PPP1R14C: variants seen among roughly 807,000 people sequenced by gnomAD.
PPP1R14C encodes protein phosphatase 1 regulatory inhibitor subunit 14C.
A neutral mutation model predicts 20.4 loss-of-function variants in PPP1R14C; 16 were observed. The observed-to-expected ratio is 0.78, with a 90% CI of 0.53 to 1.19. The LOEUF is 1.19. Among genes scored for constraint, PPP1R14C ranks in the 50% most tolerant of loss-of-function variants. PPP1R14C has a pLI of 0.00. For synonymous variants in PPP1R14C, 91 were observed against 91.0 expected (o/e 1.00, Z 0.00); for missense variants, 211 against 220.1 (o/e 0.96, Z 0.26).
chr6:150,219,612 C>G (rs1447734023), intron 3 of PPP1R14C, among the ~76,000 whole-genome samples: 1 of 152,168 alleles, frequency 6.6e-6, no homozygotes, highest in Non-Finnish European at 1.5e-5. Flanking sequence ...CCTGACTGTT[C>G]AATCACATCA....
At chr6:150,162,435 A>G (rs982082185) in intron 1 of PPP1R14C, among the ~76,000 whole-genome samples, 1 of 152,242 alleles carries the variant, frequency 6.6e-6, no homozygotes, top group African/African-American at 2.4e-5. Flanking sequence ...CATATAATTG[A>G]AATCATACAG....
intron 1 of PPP1R14C, among the ~76,000 whole-genome samples, chr6:150,156,309 A>G (rs1562256980): frequency 6.6e-6 from 1 of 152,166 alleles, no homozygotes; most frequent in South Asian, 2.1e-4. Context: ...AGCAGATATT[A>G]TCATTGACAT....
chr6:150,215,816 G>T (rs1778084674), intron 2 of PPP1R14C, among the ~76,000 whole-genome samples: 2 of 152,176 alleles, frequency 1.3e-5, no homozygotes, highest in African/African-American at 4.8e-5. Flanking sequence ...CCCAGGTGAG[G>T]ACCCAAGCTG....
At chr6:150,195,074 A>C in intron 1 of PPP1R14C, 1 of 985,004 alleles carries the variant, frequency 1.0e-6, no homozygotes, top group Non-Finnish European at 1.2e-6. Context: ...CCATCTTCAA[A>C]TCTGTCTCAA....
chr6:150,195,421 C>T (rs547622267), intron 1 of PPP1R14C, among the ~76,000 whole-genome samples: 3 of 152,216 alleles, frequency 2.0e-5, no homozygotes, highest in Non-Finnish European at 2.9e-5. Flanking sequence ...TATCTCGGCT[C>T]ACTGCAACCT....
At chr6:150,183,132 A>C (rs1285163578) in intron 1 of PPP1R14C, among the ~76,000 whole-genome samples, 1 of 152,104 alleles carries the variant, frequency 6.6e-6, no homozygotes, top group Non-Finnish European at 1.5e-5. Flanking sequence ...TTGTTTTTTT[A>C]ATTCTATCTT....
chr6:150,163,427 G>T (rs1777392745), intron 1 of PPP1R14C, among the ~76,000 whole-genome samples: 1 of 152,122 alleles, frequency 6.6e-6, no homozygotes, highest in African/African-American at 2.4e-5. Context: ...TTTTATTGTA[G>T]TATAACATAC....
At chr6:150,232,251 G>A (rs1778304767) in intron 3 of PPP1R14C, among the ~76,000 whole-genome samples, 1 of 151,338 alleles carries the variant, frequency 6.6e-6, no homozygotes, top group South Asian at 2.1e-4. Context: ...TGAAATCTTT[G>A]CCCACTTTTC....
intron 1 of PPP1R14C, among the ~76,000 whole-genome samples, chr6:150,163,631 C>T (rs1369005265): frequency 6.6e-6 from 1 of 152,022 alleles, no homozygotes; most frequent in East Asian, 1.9e-4. Context: ...GCTTTTATGT[C>T]TGTTTTTTTG....
intron 1 of PPP1R14C, among the ~76,000 whole-genome samples, chr6:150,148,016 G>C (rs1420724749): frequency 3.3e-5 from 5 of 152,124 alleles, no homozygotes; most frequent in Admixed American, 3.3e-4. Flanking sequence ...TATTATAAAA[G>C]TAATCTGAAA....
chr6:150,230,517 C>G (rs929813353), intron 3 of PPP1R14C, among the ~76,000 whole-genome samples: 1 of 152,154 alleles, frequency 6.6e-6, no homozygotes, highest in Admixed American at 6.5e-5. Flanking sequence ...TCCCGTCCCC[C>G]CACCCTCTGC....
At position 150,200,171 on chromosome 6, in the gene PPP1R14C, G is replaced by GATATATATATATATATATATAT. The variant is rs145406314; in HGVS notation, c.307-14560_307-14559insTATATATATATATATATATATA. On this transcript the variant is annotated intron_variant, in intron 1 of 3. Transcript: ENST00000361131. The stretch of plus-strand genomic sequence containing the variant: ...TATTAATATTTGAGGGCTTTTATAG[G>GATATATATATATATATATATAT]ATATATATATATACACACACACATA... Among the ~76,000 whole-genome samples, 3 of 148,032 alleles carry GATATATATATATATATATATAT rather than the reference G, an allele frequency of 2.0e-5. No homozygotes were observed. In the East Asian group the frequency reaches 6.0e-4, roughly 29 times the overall value.
intron 1 of PPP1R14C, among the ~76,000 whole-genome samples, chr6:150,173,203 A>G (rs1402361900): frequency 6.6e-6 from 1 of 151,800 alleles, no homozygotes; most frequent in Non-Finnish European, 1.5e-5. Flanking sequence ...AGATCTCCCC[A>G]TTTTTTCCAC....
At chr6:150,190,165 T>C (rs1473430837) in intron 1 of PPP1R14C, among the ~76,000 whole-genome samples, 1 of 152,194 alleles carries the variant, frequency 6.6e-6, no homozygotes, top group Non-Finnish European at 1.5e-5. Flanking sequence ...ATGCTGTCTA[T>C]ATACTGGTGA....
At chr6:150,214,902 A>G in intron 2 of PPP1R14C, 75 bp downstream of exon 2, 1 of 1,050,154 alleles carries the variant, frequency 9.5e-7, no homozygotes, top group Non-Finnish European at 1.5e-6. Flanking sequence ...AGTGCTTGGC[A>G]TCAACTGATT....
chr6:150,236,176 C>T (rs766459759), intron 3 of PPP1R14C, among the ~76,000 whole-genome samples: 1 of 152,042 alleles, frequency 6.6e-6, no homozygotes, highest in South Asian at 2.1e-4. Flanking sequence ...TCAGACAAAC[C>T]GCTAAACCCT....
chr6:150,239,225 A>C (rs1446412392), intron 3 of PPP1R14C, among the ~76,000 whole-genome samples: 1 of 152,222 alleles, frequency 6.6e-6, no homozygotes, highest in African/African-American at 2.4e-5. Context: ...TACAAGTTAC[A>C]TGGGAGGAGG....
Position 150,143,561 on chromosome 6 carries a change from A to G in PPP1R14C, c.306+63A>G. ...CTAGCTCCTCTGTGCCCGCGCAGTA[A>G]TTTTCCCGGGCTCCAGCTCCGGGGC... On this transcript the variant is annotated intron_variant, in intron 1 of 3. Transcript: ENST00000361131. The surrounding 1 kb of genome is among the most constrained non-coding windows in gnomAD (Gnocchi z 5.6). 8.2e-7 allele frequency: 1 copy of G among 1,222,124 alleles called. No individual in the cohort carries two copies. The highest frequency in any genetic ancestry group is 1.1e-6 in the Non-Finnish European group (1 of 880,336). 75.7% of individuals were successfully genotyped at this position (1,222,124 alleles called of 1,614,324 possible). A position where few individuals can be genotyped will look rare whatever the true frequency, so the allele number is the denominator to read the frequency against.
At chr6:150,206,609 A>G (rs543662930) in intron 1 of PPP1R14C, among the ~76,000 whole-genome samples, 1 of 152,102 alleles carries the variant, frequency 6.6e-6, no homozygotes, top group East Asian at 1.9e-4. Context: ...GAGCAGGAGG[A>G]AAGGGAGGCG....
Sources: gnomAD v4.1 joint callset for allele counts (sites outside exome capture counted in the v4.1 genomes callset) on GRCh38, gnomAD v4.1.1 for gene constraint, Gnocchi (gnomAD v3.1) non-coding constraint, MANE v1.5 for transcripts, NCBI Gene and HGNC (gene_info 2026-07-23, HGNC 2026-07-21) for gene names.